The following PRSS12 variants were observed in gnomAD, a reference collection of about 807,000 sequenced individuals.
PRSS12 encodes neurotrypsin.
A neutral mutation model predicts 104.4 loss-of-function variants in PRSS12; 85 were observed. The ratio of observed to expected loss-of-function variants is 0.81; its 90% CI spans 0.68 to 0.98. The LOEUF (loss-of-function observed/expected upper bound fraction) is 0.98. Ranked by LOEUF, PRSS12 falls within the 50% of genes least tolerant of loss-of-function variation. PRSS12 has a pLI of 0.00. For missense variants in PRSS12, 1,141 were observed against 1,139.2 expected (o/e 1.00, Z -0.02); for synonymous variants, 454 against 425.2 (o/e 1.07, Z -0.83).
intron 1 of PRSS12, among the ~76,000 whole-genome samples, chr4:118,351,921 G>A (rs572105663): frequency 6.6e-6 from 1 of 151,792 alleles, no homozygotes; most frequent in South Asian, 2.1e-4. Flanking sequence ...CAATACACGA[G>A]CGCACACACA....
chr4:118,289,200 T>C (rs548118659), intron 11 of PRSS12, among the ~76,000 whole-genome samples: 1 of 152,330 alleles, frequency 6.6e-6, no homozygotes, highest in East Asian at 1.9e-4. Flanking sequence ...AGAGTGACTA[T>C]GCTATGAAGG....
chr4:118,300,332 G>A (rs1349817117), intron 8 of PRSS12, among the ~76,000 whole-genome samples: 8 of 151,756 alleles, frequency 5.3e-5, no homozygotes, highest in South Asian at 2.1e-4. Flanking sequence ...AATTTTTAAC[G>A]GAGACAGAGA....
At chr4:118,302,849 G>C (rs1485887441) in intron 8 of PRSS12, among the ~76,000 whole-genome samples, 3 of 152,132 alleles carry the variant, frequency 2.0e-5, no homozygotes, top group Non-Finnish European at 4.4e-5. Context: ...GCATAAGATT[G>C]TTGAGATTGT....
intron 5 of PRSS12, among the ~76,000 whole-genome samples, chr4:118,316,837 A>AAAAAAATATATATATATAT (rs35698159): frequency 1.1e-4 from 11 of 99,188 alleles, no homozygotes; most frequent in Non-Finnish European, 1.8e-4. Flanking sequence ...AAAAAAAAAA[A>AAAAAAATATATATATATAT]ATATATATAT....
chr4:118,325,872 G>A (rs1323582673), intron 4 of PRSS12, among the ~76,000 whole-genome samples: 1 of 149,900 alleles, frequency 6.7e-6, no homozygotes, highest in Non-Finnish European at 1.5e-5. Flanking sequence ...CTAATACCCT[G>A]AATTATTTTC....
chr4:118,347,549 T>G (rs575427804), intron 1 of PRSS12, among the ~76,000 whole-genome samples: 1 of 152,302 alleles, frequency 6.6e-6, no homozygotes, highest in African/African-American at 2.4e-5. Flanking sequence ...CCACCTATGG[T>G]TGGCTTGTAA....
chr4:118,321,522 C>T (rs1463816410), intron 4 of PRSS12, among the ~76,000 whole-genome samples: 10 of 152,260 alleles, frequency 6.6e-5, no homozygotes, highest in Non-Finnish European at 2.9e-5. Context: ...CAAAGCTGAA[C>T]ACAGGGATGA....
intron 8 of PRSS12, chr4:118,303,537 G>A (rs963003342): frequency 3.3e-5 from 5 of 151,892 alleles, no homozygotes; most frequent in Non-Finnish European, 5.9e-5. Context: ...AACAATTAAG[G>A]ACTCTGCCAT....
At chr4:118,318,784 C>A (rs918219880) in intron 4 of PRSS12, among the ~76,000 whole-genome samples, 3 of 152,126 alleles carry the variant, frequency 2.0e-5, no homozygotes, top group African/African-American at 7.2e-5. Flanking sequence ...ATTTAACCTC[C>A]TTTTCTTCAT....
Position 118,352,646 on chromosome 4 carries a change from G to A in PRSS12, c.75C>T (p.Leu25=). The change falls in exon 1 of 13, where the codon CTC becomes CTT. Residue 25 remains leucine, a synonymous_variant. Coordinates refer to ENST00000296498, the MANE Select transcript of PRSS12 (RefSeq NM_003619.4). ...LPEVVGFDSV[L]NDSLHHSHRH... The stretch of plus-strand genomic sequence containing the variant: ...GGTGGCTGTGGTGGAGGGAATCATT[G>A]AGGACAGAATCAAAGCCGACCACTT... 6.2e-7 allele frequency: 1 copy of A among 1,613,288 alleles called. No individual in the cohort carries two copies. Among genetic ancestry groups the A allele is most frequent in the Non-Finnish European group, 8.5e-7 (1 of 1,179,606 alleles).
Position 118,280,804 on chromosome 4 carries a change from A to G in PRSS12, c.*1132T>C, listed in dbSNP as rs902370168. 6.6e-6 allele frequency: 1 copy of G among 152,240 alleles called. No individual in the cohort carries two copies. The highest frequency in any genetic ancestry group is 1.5e-5 in the Non-Finnish European group (1 of 68,040). 9.4% of individuals were successfully genotyped at this position (152,240 alleles called of 1,614,324 possible). A position where few individuals can be genotyped will look rare whatever the true frequency, so the allele number is the denominator to read the frequency against. On this transcript the variant is annotated 3_prime_UTR_variant, in exon 13 of 13. Coordinates refer to ENST00000296498, the MANE Select transcript of PRSS12 (RefSeq NM_003619.4). ...TAGGAGAACCATGGGGAAAAAAATC[A>G]GCATTTTTTCTGGAGTTTGGAATCA...
chr4:118,283,082 A>G lies in PRSS12; in HGVS notation c.2069T>C (p.Val690Ala), dbSNP rs1177461102. 1 of 1,614,100 alleles carries G rather than the reference A, an allele frequency of 6.2e-7. No homozygotes were observed. The highest frequency in any genetic ancestry group is 1.1e-5 in the South Asian group (1 of 91,084). Residue 690 changes from valine (V) to alanine (A), a missense_variant, in exon 12 of 13, where the codon GTT (valine) becomes GCT (alanine). Physicochemically the swap from Val to Ala is moderately conservative, Grantham distance 64. Coordinates refer to ENST00000296498, the MANE Select transcript of PRSS12 (RefSeq NM_003619.4). ...RYGNSTRSYAVRVGDYHTLVP... is the reference protein window; with the variant it reads ...RYGNSTRSYAARVGDYHTLVP... ...CAGAGTATGATAATCTCCAACCCTA[A>G]CAGCATAGCTCCTAGTGCTGTTGCC...
intron 1 of PRSS12, among the ~76,000 whole-genome samples, chr4:118,342,560 A>G (rs1293529052): frequency 6.6e-6 from 1 of 152,238 alleles, no homozygotes; most frequent in Non-Finnish European, 1.5e-5. Flanking sequence ...AGTCTCAAGC[A>G]GAGGTTTTAG....
At chr4:118,324,410 T>G (rs17516430) in intron 4 of PRSS12, among the ~76,000 whole-genome samples, 18,373 of 152,086 alleles carry the variant, frequency 0.12, 1,542 homozygotes, top group South Asian at 0.2. Flanking sequence ...AACTGAAGGC[T>G]TTTTAATTCC....
intron 8 of PRSS12, among the ~76,000 whole-genome samples, chr4:118,307,641 T>C (rs1743589607): frequency 6.6e-6 from 1 of 152,196 alleles, no homozygotes; most frequent in Admixed American, 6.5e-5. Context: ...ATTACCCAGC[T>C]GAGGTCTAAC....
chr4:118,328,736 A>G (rs1723844683), intron 4 of PRSS12, among the ~76,000 whole-genome samples: 1 of 151,986 alleles, frequency 6.6e-6, no homozygotes, highest in Non-Finnish European at 1.5e-5. Context: ...TAATTTTCCC[A>G]CTTCAGCCTT....
Position 118,282,095 on chromosome 4 carries a change from T to A in PRSS12, c.2469A>T (p.Gly823=), listed in dbSNP as rs1165161059. ...HEHKRVDSCQ[G]DSGGPLMCER... is the part of the protein sequence containing the mutation. ...CACACATGAGTGGTCCTCCGCTGTC[T>A]CCCTGGCAGCTGTCCACGCGTTTGT... The change falls in exon 13 of 13, where the codon GGA becomes GGT. Residue 823 remains glycine (G), a synonymous_variant. Transcript: ENST00000296498. 1.2e-6 allele frequency: 2 copies of A among 1,614,156 alleles called. No homozygotes were observed. Among genetic ancestry groups the A allele is most frequent in the East Asian group, 4.5e-5 (2 of 44,884 alleles).
chr4:118,282,681 AG>A (rs1742913347), intron 12 of PRSS12, 149 bp downstream of exon 12: 2 of 1,043,752 alleles, frequency 1.9e-6, no homozygotes, highest in African/African-American at 3.1e-5. Flanking sequence ...CCAGAATATA[AG>A]TCTCAATTAC....
intron 4 of PRSS12, among the ~76,000 whole-genome samples, chr4:118,321,638 C>A (rs1362157510): frequency 1.3e-5 from 2 of 152,156 alleles, no homozygotes; most frequent in East Asian, 1.9e-4. Flanking sequence ...TCCCCACGTA[C>A]CCCTGACAGT....
Sources: gnomAD v4.1 joint callset for allele counts (sites outside exome capture counted in the v4.1 genomes callset) on GRCh38, gnomAD v4.1.1 for gene constraint, MANE v1.5 for transcripts, NCBI Gene and HGNC (gene_info 2026-07-23, HGNC 2026-07-21) for gene names.